The following RAPGEF6 variants were observed in gnomAD, a reference collection of about 807,000 sequenced individuals.
RAPGEF6 encodes Rap guanine nucleotide exchange factor 6, also known as PDZ domain containing guanine nucleotide exchange factor (GEF) 2.
RAPGEF6 carries 56 observed loss-of-function variants against 171.4 expected under a neutral mutation model. The ratio of observed to expected loss-of-function variants is 0.33; its 90% confidence interval spans 0.26 to 0.41. RAPGEF6 has a LOEUF of 0.41. Among genes scored for constraint, RAPGEF6 ranks in the 10% least tolerant of loss-of-function variants. The pLI is 1.00. For missense variants in RAPGEF6, 1,674 were observed against 1,921.4 expected (o/e 0.87, Z 2.41); for synonymous variants, 692 against 650.1 (o/e 1.06, Z -0.98).
intron 2 of RAPGEF6, among the ~76,000 whole-genome samples, chr5:131,603,922 C>T (rs1764396314): frequency 6.6e-6 from 1 of 152,036 alleles, no homozygotes; most frequent in African/African-American, 2.4e-5. Context: ...ACTGGATAAG[C>T]TGTTCGTGGT....
chr5:131,504,513 T>C, intron 11 of RAPGEF6, 113 bp downstream of exon 11: 1 of 1,128,538 alleles, frequency 8.9e-7, no homozygotes, highest in East Asian at 2.6e-5. Context: ...TTAAGTTAGA[T>C]GCCAAAGTGT....
chr5:131,488,770 A>C (rs1262138046), intron 15 of RAPGEF6, among the ~76,000 whole-genome samples: 1 of 152,198 alleles, frequency 6.6e-6, no homozygotes, highest in African/African-American at 2.4e-5. Flanking sequence ...TTGTAACCTA[A>C]AAAACCTAGA....
At chr5:131,571,550 A>T (rs1456474616) in intron 4 of RAPGEF6, among the ~76,000 whole-genome samples, 1 of 152,248 alleles carries the variant, frequency 6.6e-6, no homozygotes, top group Non-Finnish European at 1.5e-5. Context: ...ACTGCAAAAC[A>T]TCATTGAGAG....
intron 5 of RAPGEF6, among the ~76,000 whole-genome samples, chr5:131,561,660 CA>C (rs35691525): frequency 0.6 from 54,998 of 90,970 alleles, 14,547 homozygotes; most frequent in Middle Eastern, 0.7. Flanking sequence ...AACTCTGTCT[CA>C]AAAAAAAAAA....
intron 15 of RAPGEF6, among the ~76,000 whole-genome samples, chr5:131,481,450 G>A (rs1019979958): frequency 6.6e-6 from 1 of 151,696 alleles, no homozygotes; most frequent in Non-Finnish European, 1.5e-5. Flanking sequence ...GAATGACCTC[G>A]AACTTCTAGG....
chr5:131,606,499 T>C (rs184849515), intron 1 of RAPGEF6, among the ~76,000 whole-genome samples: 188 of 152,244 alleles, frequency 1.2e-3, no homozygotes, highest in African/African-American at 4.4e-3. Flanking sequence ...TATTTAAGTA[T>C]ATAAAAATAA....
chr5:131,480,125 G>A (rs1291950961), intron 15 of RAPGEF6, among the ~76,000 whole-genome samples: 2 of 152,126 alleles, frequency 1.3e-5, no homozygotes, highest in African/African-American at 2.4e-5. Flanking sequence ...TCTATTTTAT[G>A]TTATTTCTTA....
At chr5:131,601,330 A>T (rs1355615232) in intron 3 of RAPGEF6, among the ~76,000 whole-genome samples, 2 of 151,122 alleles carry the variant, frequency 1.3e-5, no homozygotes, top group Non-Finnish European at 1.5e-5. Context: ...GGTTGCAGTG[A>T]GCCAAGGTCA....
chr5:131,441,045 A>G (rs3776030), intron 23 of RAPGEF6, among the ~76,000 whole-genome samples: 33,154 of 152,014 alleles, frequency 0.22, 3,962 homozygotes, highest in East Asian at 0.49. Context: ...TTGAACCGTA[A>G]CCTTCTCTTG....
At chr5:131,552,768 A>G (rs947935051) in intron 5 of RAPGEF6, among the ~76,000 whole-genome samples, 1 of 152,064 alleles carries the variant, frequency 6.6e-6, no homozygotes, top group African/African-American at 2.4e-5. Flanking sequence ...GCCAACAAAA[A>G]TGCAACTTTA....
intron 4 of RAPGEF6, 125 bp downstream of exon 4, chr5:131,592,258 T>G (rs1763636017): frequency 4.9e-6 from 7 of 1,432,666 alleles, no homozygotes; most frequent in African/African-American, 1.4e-5. Flanking sequence ...TCCTGCCAAG[T>G]ATTTCCAATG....
chr5:131,518,098 T>C (rs994265169), intron 7 of RAPGEF6, among the ~76,000 whole-genome samples: 15 of 152,114 alleles, frequency 9.9e-5, no homozygotes, highest in African/African-American at 3.1e-4. Context: ...ACTGGTGTTC[T>C]TGAACTCGGA....
In RAPGEF6 at chr5:131,635,224, A is replaced by T; in HGVS notation, c.-194T>A. 2 of 566,524 alleles carry T rather than the reference A, an allele frequency of 3.5e-6. No individual in the cohort carries two copies. The highest frequency in any genetic ancestry group is 6.1e-6 in the Non-Finnish European group (2 of 326,920). 35.1% of individuals were successfully genotyped at this position (566,524 alleles called of 1,614,324 possible). On this transcript the variant is annotated 5_prime_UTR_variant, in exon 1 of 28. Coordinates refer to ENST00000509018, the MANE Select transcript of RAPGEF6 (RefSeq NM_016340.6). Reference sequence around the variant, plus strand: ...TACCCACGCGCGACTGGCCGGAGACAAGTCTGCGCGGGGGCGGGGGAGAGT... The same window carrying T: ...TACCCACGCGCGACTGGCCGGAGACTAGTCTGCGCGGGGGCGGGGGAGAGT...
intron 19 of RAPGEF6, among the ~76,000 whole-genome samples, chr5:131,459,174 G>A (rs1753726908): frequency 6.6e-6 from 1 of 152,066 alleles, no homozygotes. Context: ...CCAAATATGT[G>A]TTAGATTTCA....
intron 17 of RAPGEF6, among the ~76,000 whole-genome samples, chr5:131,467,774 A>G (rs1365420621): frequency 6.6e-6 from 1 of 152,216 alleles, no homozygotes. Flanking sequence ...GTTCATGCTT[A>G]TAATTCTAGC....
intron 1 of RAPGEF6, among the ~76,000 whole-genome samples, chr5:131,633,974 T>A (rs1409363198): frequency 6.6e-6 from 1 of 152,154 alleles, no homozygotes; most frequent in Non-Finnish European, 1.5e-5. Context: ...TATGCAAACA[T>A]CAGGATCTTC....
chr5:131,501,064 T>C (rs894150038), intron 11 of RAPGEF6, among the ~76,000 whole-genome samples: 3 of 150,660 alleles, frequency 2.0e-5, no homozygotes, highest in African/African-American at 7.3e-5. Context: ...TGAGGCACCA[T>C]GCTTGGCCTT....
rs113547896 is a variant in RAPGEF6, at chr5:131,629,637, T to A, written c.69+5325A>T. ...CACGCATGATGGCATGCACCTGTAG[T>A]ACCAGCTACTCAGGAGGCTGAGGTG... On this transcript the variant is annotated intron_variant, in intron 1 of 27. Transcript: ENST00000509018. 6.4e-3 allele frequency among the ~76,000 whole-genome samples: 965 copies of A among 150,522 alleles called. 7 individuals carry two copies. The highest frequency in any genetic ancestry group is 0.022 in the African/African-American group (916 of 40,968).
intron 4 of RAPGEF6, among the ~76,000 whole-genome samples, chr5:131,579,357 A>G (rs1580612908): frequency 6.6e-6 from 1 of 152,236 alleles, no homozygotes; most frequent in African/African-American, 2.4e-5. Context: ...AGGGGACAGG[A>G]GCAGGTTGCC....
Sources: allele counts gnomAD v4.1 joint callset (sites outside exome capture counted in the v4.1 genomes callset), GRCh38; gene constraint gnomAD v4.1.1; transcripts MANE v1.5; gene names NCBI Gene and HGNC (gene_info 2026-07-23, HGNC 2026-07-21).